The following GABRA3 variants were observed in gnomAD, a reference collection of about 807,000 sequenced individuals.
GABRA3 encodes the protein gamma-aminobutyric acid type A receptor subunit alpha3, also known as gamma-aminobutyric acid receptor subunit alpha-3.
In GABRA3, 10 loss-of-function variants were observed where a neutral mutation model predicts 30.1. That is an observed-to-expected ratio of 0.33 (90% confidence interval 0.20 to 0.56). The LOEUF is 0.56. Among genes scored for constraint, GABRA3 ranks in the 20% least tolerant of loss-of-function variants. GABRA3 has a pLI of 0.89. For synonymous variants in GABRA3, 151 were observed against 146.8 expected (o/e 1.03, Z -0.21); for missense variants, 233 against 392.0 (o/e 0.59, Z 3.42).
At chrX:152,306,837 G>A (rs773452461) in intron 3 of GABRA3, among the ~76,000 whole-genome samples, 13 of 110,798 alleles carry the variant, frequency 1.2e-4, no homozygotes, top group Non-Finnish European at 1.7e-4. Context: ...TTTAATTTTC[G>A]GATGAGGAAC....
chrX:152,272,159 T>G (rs141012766), intron 4 of GABRA3, among the ~76,000 whole-genome samples: 1 of 111,474 alleles, frequency 9.0e-6, no homozygotes, highest in Non-Finnish European at 1.9e-5. Flanking sequence ...GGTAGATCCA[T>G]GGACAGCTTA....
At chrX:152,321,659 A>AAGACTGC (rs1939965937) in intron 3 of GABRA3, among the ~76,000 whole-genome samples, 1 of 111,721 alleles carries the variant, frequency 9.0e-6, no homozygotes, top group Admixed American at 9.5e-5. Context: ...GTAGTAACAA[A>AAGACTGC]AGACTGCAGT....
intron 3 of GABRA3, among the ~76,000 whole-genome samples, chrX:152,303,647 T>G: frequency 9.0e-6 from 1 of 111,511 alleles, no homozygotes; most frequent in East Asian, 2.8e-4. Context: ...ATGAAAGAGT[T>G]TATGACCTTT....
At chrX:152,383,360 GC>G (rs757456847) in intron 1 of GABRA3, among the ~76,000 whole-genome samples, 71 of 79,682 alleles carry the variant, frequency 8.9e-4, no homozygotes, top group African/African-American at 3.3e-3. Flanking sequence ...CCGCACTCCA[GC>G]CTGGGTGACA....
At chrX:152,183,214 T>C (rs1240950383) in intron 9 of GABRA3, among the ~76,000 whole-genome samples, 1 of 110,567 alleles carries the variant, frequency 9.0e-6, no homozygotes, top group Non-Finnish European at 1.9e-5. Flanking sequence ...TGGGAGACTT[T>C]TTGTTACTGA....
At position 152,364,605 on chromosome X, in the gene GABRA3, T is replaced by A. The variant is rs755020356; in HGVS notation, c.-26-9A>T. 1 of 1,169,007 alleles carries A rather than the reference T, an allele frequency of 8.6e-7. No homozygotes were observed. Among genetic ancestry groups the A allele is most frequent in the Admixed American group, 2.3e-5 (1 of 44,000 alleles). ...CACAAACTTGGAGAGACCTGTGAGA[T>A]TCACAGTTTAGATAAGGGATAAGAG... On this transcript the variant is annotated splice_polypyrimidine_tract_variant and intron_variant, in intron 1 of 9. Coordinates refer to ENST00000370314, the MANE Select transcript of GABRA3 (RefSeq NM_000808.4).
At chrX:152,211,168 A>G (rs1055438017) in intron 6 of GABRA3, among the ~76,000 whole-genome samples, 4 of 110,670 alleles carry the variant, frequency 3.6e-5, no homozygotes, top group African/African-American at 9.9e-5. Flanking sequence ...TTGGCAGTGT[A>G]AAAACTAGAA....
intron 5 of GABRA3, among the ~76,000 whole-genome samples, chrX:152,237,683 G>A (rs202021255): frequency 0.23 from 23,062 of 102,422 alleles, 3,095 homozygotes; most frequent in African/African-American, 0.37. Flanking sequence ...AGTGGTTTGT[G>A]GTTCTCCTTG....
Position 152,221,796 on chromosome X carries a change from G to A in GABRA3, c.634+2967C>T, listed in dbSNP as rs186435880. ...TACATAGGTAAACCTGTGTCATGGG[G>A]GTTTCCTGTACAGATTATTTCATCA... On this transcript the variant is annotated intron_variant, in intron 6 of 9. Coordinates refer to ENST00000370314, the MANE Select transcript of GABRA3 (RefSeq NM_000808.4). Among the ~76,000 whole-genome samples the A allele has an allele frequency of 8.1e-5, 9 of 111,605 alleles. No individual in the cohort carries two copies. The East Asian group carries it at 2.3e-3, about 28-fold the overall frequency.
intron 4 of GABRA3, among the ~76,000 whole-genome samples, chrX:152,267,049 A>G (rs886847799): frequency 8.9e-6 from 1 of 112,433 alleles, no homozygotes; most frequent in African/African-American, 3.2e-5. Context: ...ACAAATATGA[A>G]TATCTACAAA....
chrX:152,325,029 G>A (rs755515147), intron 3 of GABRA3, among the ~76,000 whole-genome samples: 2 of 111,505 alleles, frequency 1.8e-5, no homozygotes, highest in Non-Finnish European at 3.8e-5. Flanking sequence ...GTTGTTCTGT[G>A]AGATAGCTTG....
At chrX:152,224,081 AAC>A (rs1937892293) in intron 6 of GABRA3, among the ~76,000 whole-genome samples, 1 of 111,622 alleles carries the variant, frequency 9.0e-6, no homozygotes, top group South Asian at 3.7e-4. Context: ...TCTGTTTCAA[AAC>A]ACAGCTAAAT....
intron 9 of GABRA3, among the ~76,000 whole-genome samples, chrX:152,185,217 A>G (rs940321609): frequency 9.0e-6 from 1 of 111,369 alleles, no homozygotes; most frequent in Non-Finnish European, 1.9e-5. Flanking sequence ...AGCGGTGCAG[A>G]CAAAGCAGAG....
chrX:152,168,228 C>A lies in GABRA3; in HGVS notation c.1479G>T (p.Ter493TyrextTer41). The part of the protein sequence containing the change: ...SAIKGMIRKQ[*>Y] ...CTGGTTGCTGCACTGCCACCACTAT[C>A]TACTGTTTGCGGATCATGCCCTTGA... The change falls in exon 10 of 10, where the codon TAG becomes TAT. Residue 493 changes from the stop codon to tyrosine, a stop_lost. Coordinates refer to ENST00000370314, the MANE Select transcript of GABRA3 (RefSeq NM_000808.4). 1.7e-6 allele frequency: 2 copies of A among 1,206,715 alleles called. No homozygotes were observed. The highest frequency in any genetic ancestry group is 2.2e-6 in the Non-Finnish European group (2 of 891,262).
rs752057499 is a variant in GABRA3, at chrX:152,393,703, A to C, written c.-26-29107T>G. Among the ~76,000 whole-genome samples the C allele has an allele frequency of 3.9e-3, 437 of 111,983 alleles. 2 individuals carry two copies. Among genetic ancestry groups the C allele is most frequent in the Non-Finnish European group, 6.1e-3 (325 of 53,169 alleles). ...ACTCAGGCAATCATGGTGCATGAGC[A>C]ACTAACACTAATATTTGACTGTTAA... On this transcript the variant is annotated intron_variant, in intron 1 of 9. Transcript: ENST00000370314.
At chrX:152,426,172 G>A (rs2124541758) in intron 1 of GABRA3, among the ~76,000 whole-genome samples, 1 of 111,345 alleles carries the variant, frequency 9.0e-6, no homozygotes, top group Non-Finnish European at 1.9e-5. Context: ...AAGAGTAAAG[G>A]AAACACTTTT....
intron 1 of GABRA3, among the ~76,000 whole-genome samples, chrX:152,434,159 T>A (rs1930718792): frequency 9.0e-6 from 1 of 111,182 alleles, no homozygotes; most frequent in Non-Finnish European, 1.9e-5. Context: ...CAAAGGAGAT[T>A]AACATTTGAG....
intron 6 of GABRA3, among the ~76,000 whole-genome samples, chrX:152,217,349 G>C (rs746981058): frequency 4.5e-5 from 5 of 111,353 alleles, no homozygotes; most frequent in Non-Finnish European, 7.6e-5. Flanking sequence ...CGTTGCTAGA[G>C]TTTCACTGAA....
intron 3 of GABRA3, among the ~76,000 whole-genome samples, chrX:152,291,872 G>A (rs1007550807): frequency 1.8e-5 from 2 of 111,871 alleles, no homozygotes; most frequent in Admixed American, 9.5e-5. Context: ...CAACTTCATC[G>A]TGGCGGATAA....
Sources: allele counts gnomAD v4.1 joint callset (sites outside exome capture counted in the v4.1 genomes callset), GRCh38; gene constraint gnomAD v4.1.1; transcripts MANE v1.5; gene names NCBI Gene and HGNC (gene_info 2026-07-23, HGNC 2026-07-21).